Variants in DPF1 observed in about 807,000 individuals in gnomAD.
The protein encoded by DPF1 is zinc finger protein neuro-d4.
In DPF1, 14 loss-of-function variants were observed where a neutral mutation model predicts 58.7. The observed-to-expected ratio is 0.24, with a 90% confidence interval of 0.16 to 0.37. The LOEUF is 0.37. DPF1 is among the 10% of genes least tolerant of loss of function. The probability of loss-of-function intolerance (pLI) is 1.00; values close to 1 mark genes in which losing one functional copy is unlikely to be tolerated. For missense variants in DPF1, 345 were observed against 529.9 expected, an observed-to-expected ratio of 0.65 and a Z score of 3.43; for synonymous variants, 216 against 216.0, an observed-to-expected ratio of 1.00 and a Z score of 0.00.
chr19:38,216,359 G>GTTT lies in DPF1; in HGVS notation c.769_771dup (p.Lys257dup). 6.2e-7 allele frequency: 1 copy of GTTT among 1,600,250 alleles called. No homozygotes were observed. The highest frequency in any genetic ancestry group is 2.2e-5 in the East Asian group (1 of 44,650). ...CAGAAGGAGGCATCCGTACCTGTGTGTTTCCTTTGTGCCTCAGGGACCCAG... is the reference window on the plus strand; with the variant it reads ...CAGAAGGAGGCATCCGTACCTGTGTGTTTTTTCCTTTGTGCCTCAGGGACCCAG... On this transcript the variant is annotated inframe_insertion, in exon 8 of 12. Coordinates refer to ENST00000355526, the MANE Select transcript of DPF1 (RefSeq NM_001135155.3).
At position 38,214,266 on chromosome 19, in the gene DPF1, T is replaced by C. The variant is rs184460791; in HGVS notation, c.899-510A>G. 3.4e-4 allele frequency among the ~76,000 whole-genome samples: 52 copies of C among 152,312 alleles called. 2 individuals are homozygous for C. In the Middle Eastern group the frequency reaches 0.01, roughly 30 times the overall value. On this transcript the variant is annotated intron_variant, in intron 9 of 11. Coordinates refer to ENST00000355526, the MANE Select transcript of DPF1 (RefSeq NM_001135155.3). ...CCACTTGGTGCCCCAGCAACAAAAC[T>C]GTTACTCACATCACAGCACTGTGCA...
Position 38,212,454 on chromosome 19 carries a change from T to C in DPF1, c.1012-93A>G, listed in dbSNP as rs1415117179. On this transcript the variant is annotated intron_variant, in intron 10 of 11. Transcript: ENST00000355526. ...GGGGCAGGGGCTAGGTCAAGGGGGC[T>C]GGGGGAGGTGAGGCCTTCCGAGAAA... 1.0e-5 allele frequency: 6 copies of C among 584,160 alleles called. No homozygotes were observed. In the East Asian group the frequency reaches 1.5e-4, roughly 14 times the overall value. The allele number at this position is 584,160 out of a possible 1,614,324, so 36.2% of individuals were successfully genotyped here. A position where few individuals can be genotyped will look rare whatever the true frequency, so the allele number is the denominator to read the frequency against.
intron 9 of DPF1, among the ~76,000 whole-genome samples, chr19:38,215,082 C>T (rs1011885119): frequency 1.5e-4 from 22 of 151,610 alleles, no homozygotes; most frequent in Admixed American, 1.3e-4. Flanking sequence ...ATCTGCTCGC[C>T]CCAGCCTCCC....
At position 38,222,853 on chromosome 19, in the gene DPF1, C is replaced by T; in HGVS notation, c.30-145G>A. 2.5e-6 allele frequency: 3 copies of T among 1,213,366 alleles called. No individual in the cohort carries two copies. Among genetic ancestry groups the T allele is most frequent in the South Asian group, 1.7e-5 (1 of 58,308 alleles). The allele number at this position is 1,213,366 out of a possible 1,614,324, so 75.2% of individuals were successfully genotyped here. A position where few individuals can be genotyped will look rare whatever the true frequency, so the allele number is the denominator to read the frequency against. On this transcript the variant is annotated intron_variant, in intron 1 of 11. Coordinates refer to ENST00000355526, the MANE Select transcript of DPF1 (RefSeq NM_001135155.3). The surrounding 1 kb of genome is among the most constrained non-coding windows in gnomAD (Gnocchi z 4.9). ...GCCTCACCTCTCCCCTCCTCCCACTCCGGGACCCAGGCTGGGGGAAGGGGA... is the reference window on the plus strand; with the variant it reads ...GCCTCACCTCTCCCCTCCTCCCACTTCGGGACCCAGGCTGGGGGAAGGGGA...
Position 38,218,560 on chromosome 19 carries a change from C to G in DPF1, c.516+13G>C, listed in dbSNP as rs1967206855. The G allele has an allele frequency of 6.2e-7, 1 of 1,613,686 alleles. No homozygotes were observed. Among genetic ancestry groups the G allele is most frequent in the Non-Finnish European group, 8.5e-7 (1 of 1,179,814 alleles). On this transcript the variant is annotated intron_variant, in intron 5 of 11. Coordinates refer to ENST00000355526, the MANE Select transcript of DPF1 (RefSeq NM_001135155.3). ...TGAGGGGAGCGGGGAAGAGGAGAAG[C>G]TTGGGGTGATACCTTTCCTTTGGCC...
In DPF1 at chr19:38,222,918, C is replaced by T; in HGVS notation, c.30-210G>A. On this transcript the variant is annotated intron_variant, in intron 1 of 11. Transcript: ENST00000355526. The surrounding 1 kb of genome is among the most constrained non-coding windows in gnomAD (Gnocchi z 4.9). Reference sequence around the variant, plus strand: ...CCCCAAACTGGGACTCAAACAGGCCCCCAGCTCATGAGTAGAAACACGATA... The same window carrying T: ...CCCCAAACTGGGACTCAAACAGGCCTCCAGCTCATGAGTAGAAACACGATA... 6 of 589,050 alleles carry T rather than the reference C, an allele frequency of 1.0e-5. No individual in the cohort carries two copies. The South Asian group carries it at 1.5e-4, about 14-fold the overall frequency. 36.5% of individuals were successfully genotyped at this position (589,050 alleles called of 1,614,324 possible).
intron 3 of DPF1, chr19:38,219,356 T>A: frequency 2.4e-6 from 1 of 411,482 alleles, no homozygotes; most frequent in Admixed American, 3.9e-5. Flanking sequence ...ACACAGCGAC[T>A]CTCAAACATA....
At chr19:38,228,528 C>T (rs1242022094), upstream of DPF1, 10 of 151,402 alleles carry the variant, frequency 6.6e-5, no homozygotes, top group African/African-American at 1.9e-4. Flanking sequence ...CCTCCGCCTC[C>T]TCCACCAGGC....
upstream of DPF1, among the ~76,000 whole-genome samples, chr19:38,226,611 TG>T (rs1047254726): frequency 2.6e-4 from 39 of 151,346 alleles, no homozygotes; most frequent in African/African-American, 9.5e-4. Flanking sequence ...GCCCCTCTCC[TG>T]GAACAGGAGG....
At chr19:38,220,937 C>T (rs1967426451) in intron 3 of DPF1, among the ~76,000 whole-genome samples, 1 of 152,214 alleles carries the variant, frequency 6.6e-6, no homozygotes, top group South Asian at 2.1e-4. Context: ...CTCTGATGGA[C>T]TGGCACACAC....
At chr19:38,226,503 TACACACACACACACAC>T (rs60328056), upstream of DPF1, among the ~76,000 whole-genome samples, 1 of 133,702 alleles carries the variant, frequency 7.5e-6, no homozygotes, top group Non-Finnish European at 1.6e-5. Context: ...CGGTCACTTC[TACACACACACACACAC>T]ACACACACAC....
chr19:38,216,308 G>T, intron 8 of DPF1, 45 bp downstream of exon 8: 1 of 1,608,996 alleles, frequency 6.2e-7, no homozygotes, highest in Non-Finnish European at 8.5e-7. Flanking sequence ...AGGGCACCCC[G>T]CAAAGGTGGC....
Position 38,212,073 on chromosome 19 carries a change from G to T in DPF1, c.1154C>A (p.Thr385Asn). The T allele has an allele frequency of 6.2e-7, 1 of 1,612,120 alleles. No homozygotes were observed. The highest frequency in any genetic ancestry group is 8.5e-7 in the Non-Finnish European group (1 of 1,179,650). ...GCGAGCCGAGCCGGCCTAGGTGAGG[G>T]TGATGTAAGCAGAAGCCTTTTCCTT... is the stretch of plus-strand genomic sequence containing the variant. ...HLKEKASAYI[T>N]LT is the part of the protein sequence containing the mutation. Residue 385 changes from threonine to asparagine, a missense_variant, in exon 12 of 12, where the codon ACC (threonine) becomes AAC (asparagine). By Grantham distance (65) the Thr-to-Asn change is moderately conservative. Transcript: ENST00000355526.
upstream of DPF1, among the ~76,000 whole-genome samples, chr19:38,227,105 G>A (rs1370782901): frequency 2.4e-5 from 3 of 126,098 alleles, no homozygotes; most frequent in Admixed American, 2.0e-4. Context: ...TTTGGACAGC[G>A]TCTCACTCGA....
chr19:38,220,407 G>A (rs1332787985), intron 3 of DPF1, among the ~76,000 whole-genome samples: 2 of 152,034 alleles, frequency 1.3e-5, no homozygotes, highest in Non-Finnish European at 2.9e-5. Context: ...AGATCATGAG[G>A]TCAGGAGATC....
At chr19:38,224,931 AGTAAATATAG>A (rs1350574585), upstream of DPF1, among the ~76,000 whole-genome samples, 2 of 152,332 alleles carry the variant, frequency 1.3e-5, no homozygotes. This position sits in a 1 kb window ranked among gnomAD's most constrained non-coding sequence, Gnocchi z 4.5. Flanking sequence ...GGATTAAATG[AGTAAATATAG>A]GTAAAGCATT....
intron 7 of DPF1, 83 bp downstream of exon 7, chr19:38,217,377 G>GGGCCC: frequency 2.6e-6 from 2 of 774,482 alleles, no homozygotes; most frequent in Non-Finnish European, 3.8e-6. Flanking sequence ...AATGTCTAAT[G>GGGCCC]CCCCCCCACC....
At chr19:38,216,582 C>A in intron 7 of DPF1, 179 bp from the exon 8 acceptor site, 1 of 646,662 alleles carries the variant, frequency 1.5e-6, no homozygotes, top group Non-Finnish European at 2.3e-6. Context: ...CCAACTCTGC[C>A]TTTTTAAATT....
At chr19:38,225,404 C>CA (rs1363393283), upstream of DPF1, among the ~76,000 whole-genome samples, 10 of 150,796 alleles carry the variant, frequency 6.6e-5, no homozygotes, top group South Asian at 6.3e-4. Flanking sequence ...CCTGTGTCTA[C>CA]AAAAAAAAAT....
Sources: allele counts gnomAD v4.1 joint callset (sites outside exome capture counted in the v4.1 genomes callset), GRCh38; gene constraint gnomAD v4.1.1; non-coding constraint Gnocchi (gnomAD v3.1); transcripts MANE v1.5; gene names NCBI Gene and HGNC (gene_info 2026-07-23, HGNC 2026-07-21).